The following CHODL variants were observed in gnomAD, a reference collection of about 807,000 sequenced individuals.
CHODL encodes transmembrane protein MT75.
Under a neutral mutation model 34.5 loss-of-function variants are expected in CHODL, and 29 were observed. The ratio of observed to expected loss-of-function variants is 0.84; its 90% CI spans 0.63 to 1.15. CHODL has a LOEUF of 1.15. CHODL is among the 50% of genes most tolerant of loss of function. The pLI is 0.00. For synonymous variants in CHODL, 125 were observed against 116.1 expected (o/e 1.08, Z -0.49); for missense variants, 332 against 332.5 (o/e 1.00, Z 0.01).
intron 2 of CHODL, chr21:18,134,321 T>C (rs768255659): frequency 5.8e-6 from 3 of 517,522 alleles, no homozygotes; most frequent in South Asian, 2.8e-5. Flanking sequence ...TCTGATGCTA[T>C]TGATAAACAG....
At chr21:17,942,014 C>G (rs1235941744) in intron 1 of CHODL, among the ~76,000 whole-genome samples, 1 of 152,180 alleles carries the variant, frequency 6.6e-6, no homozygotes, top group Non-Finnish European at 1.5e-5. Context: ...CTAAAACCAT[C>G]ACCTTGGGGA....
intron 1 of CHODL, among the ~76,000 whole-genome samples, chr21:17,989,051 T>C (rs1049845299): frequency 5.3e-5 from 8 of 152,188 alleles, no homozygotes; most frequent in African/African-American, 1.9e-4. Flanking sequence ...AAAGTAATGT[T>C]TGCCAAATGC....
Position 17,933,546 on chromosome 21 carries a change from C to CA in CHODL, c.-145+16146_-145+16147insA, listed in dbSNP as rs560857512. On this transcript the variant is annotated intron_variant, in intron 1 of 6. Coordinates refer to the CHODL transcript ENST00000400127. ...GACACAGCACATGTTTCAGAGAGCA[C>CA]GGGGTTGGGGTAAGGTCATAGATTA... Among the ~76,000 whole-genome samples the CA allele has an allele frequency of 1.4e-4, 21 of 152,204 alleles. No homozygotes were observed. The South Asian group carries it at 2.3e-3, about 17-fold the overall frequency.
chr21:18,166,792 A>G (rs75581218), intron 2 of CHODL, among the ~76,000 whole-genome samples: 3,076 of 152,210 alleles, frequency 0.02, 53 homozygotes, highest in Non-Finnish European at 0.028. Context: ...TAATTTGTGG[A>G]TATCCTTGAT....
chr21:18,234,767 A>G (rs897199515), intron 2 of CHODL, among the ~76,000 whole-genome samples: 1 of 152,036 alleles, frequency 6.6e-6, no homozygotes, highest in Non-Finnish European at 1.5e-5. Context: ...AATAAAATAG[A>G]CATCTTTGGC....
intron 2 of CHODL, among the ~76,000 whole-genome samples, chr21:18,238,298 T>C (rs1177031283): frequency 6.6e-6 from 1 of 152,046 alleles, no homozygotes; most frequent in East Asian, 1.9e-4. Flanking sequence ...AGAGGTTTCA[T>C]TGGACTTACA....
chr21:18,099,544 A>C (rs915349033), intron 2 of CHODL, among the ~76,000 whole-genome samples: 1 of 152,054 alleles, frequency 6.6e-6, no homozygotes, highest in Non-Finnish European at 1.5e-5. Context: ...TTCAGAAAAT[A>C]AAGATAAAAA....
At position 17,954,810 on chromosome 21, in the gene CHODL, A is replaced by C. The variant is rs1338677961; in HGVS notation, c.-145+37410A>C. Among the ~76,000 whole-genome samples the C allele has an allele frequency of 3.8e-5, 5 of 131,988 alleles. 2 individuals carry two copies. The Admixed American group carries it at 3.8e-4, about 10-fold the overall frequency. The allele number at this position is 131,988 out of a possible 152,430, so 86.6% of individuals were successfully genotyped here. ...AAGCCAATTCCTCCAATTATTCATA[A>C]TTCTCTCTCTGTATATATTTATAAA... On this transcript the variant is annotated intron_variant, in intron 1 of 6. Transcript: ENST00000400127.
At chr21:18,164,993 C>A (rs2073136180) in intron 2 of CHODL, among the ~76,000 whole-genome samples, 2 of 152,142 alleles carry the variant, frequency 1.3e-5, no homozygotes, top group African/African-American at 4.8e-5. Flanking sequence ...ATCTCTATTG[C>A]CATCACATTG....
At chr21:18,098,742 G>A (rs1233205561) in intron 2 of CHODL, among the ~76,000 whole-genome samples, 1 of 151,974 alleles carries the variant, frequency 6.6e-6, no homozygotes, top group Non-Finnish European at 1.5e-5. Context: ...CAAAAAGAAA[G>A]CAAATCAGTA....
intron 2 of CHODL, among the ~76,000 whole-genome samples, chr21:18,051,970 T>G (rs1243966198): frequency 6.6e-6 from 1 of 151,984 alleles, no homozygotes; most frequent in Non-Finnish European, 1.5e-5. Context: ...GAGCATCTTA[T>G]GTAAATTTGA....
At chr21:18,190,372 T>C (rs936085013) in intron 2 of CHODL, among the ~76,000 whole-genome samples, 28 of 152,334 alleles carry the variant, frequency 1.8e-4, no homozygotes, top group Admixed American at 1.3e-4. Context: ...TCCATTCCTA[T>C]TCCATCATGC....
At chr21:18,196,846 G>A (rs1193250909) in intron 2 of CHODL, among the ~76,000 whole-genome samples, 7 of 152,176 alleles carry the variant, frequency 4.6e-5, no homozygotes, top group Admixed American at 4.6e-4. Flanking sequence ...TGATGTTAGT[G>A]AAAGGTTACA....
chr21:17,975,855 G>C (rs1261214073), intron 1 of CHODL, among the ~76,000 whole-genome samples: 2 of 151,942 alleles, frequency 1.3e-5, no homozygotes, highest in Non-Finnish European at 2.9e-5. Flanking sequence ...AGGACCACAA[G>C]GGCCCTCAAG....
chr21:18,063,870 CTCTT>C (rs749231523), intron 2 of CHODL, among the ~76,000 whole-genome samples: 31 of 152,150 alleles, frequency 2.0e-4, no homozygotes, highest in Non-Finnish European at 3.2e-4. Flanking sequence ...CACTCACTCT[CTCTT>C]TTTCTCACAT....
chr21:18,151,426 G>A (rs2072967241), intron 2 of CHODL, among the ~76,000 whole-genome samples: 1 of 152,194 alleles, frequency 6.6e-6, no homozygotes, highest in Non-Finnish European at 1.5e-5. Context: ...CCCAGGGAAG[G>A]CATGAAAGCT....
At chr21:18,114,188 A>G (rs952143572) in intron 2 of CHODL, among the ~76,000 whole-genome samples, 4 of 152,206 alleles carry the variant, frequency 2.6e-5, no homozygotes, top group African/African-American at 9.7e-5. Context: ...TAACAGATAC[A>G]AAAATAAAGA....
chr21:18,228,161 T>A (rs1013026059), intron 2 of CHODL, among the ~76,000 whole-genome samples: 5 of 152,160 alleles, frequency 3.3e-5, no homozygotes, highest in Non-Finnish European at 7.4e-5. Context: ...ACACTAAAAA[T>A]TAATTAATTT....
intron 1 of CHODL, among the ~76,000 whole-genome samples, chr21:17,933,455 C>T (rs2063292596): frequency 6.6e-6 from 1 of 152,190 alleles, no homozygotes; most frequent in Non-Finnish European, 1.5e-5. Context: ...AAAGAGCATG[C>T]TGACTTCAAG....
Sources: gnomAD v4.1 joint callset for allele counts (sites outside exome capture counted in the v4.1 genomes callset) on GRCh38, gnomAD v4.1.1 for gene constraint, MANE v1.5 for transcripts, NCBI Gene and HGNC (gene_info 2026-07-23, HGNC 2026-07-21) for gene names.